Variants in INPP5F observed in about 807,000 individuals in gnomAD.
The protein encoded by INPP5F is inositol polyphosphate-5-phosphatase F.
INPP5F carries 97 observed loss-of-function variants against 137.2 expected under a neutral mutation model. The ratio of observed to expected loss-of-function variants is 0.71; its 90% CI spans 0.60 to 0.84. The LOEUF is 0.84. Among genes scored for constraint, INPP5F ranks in the 40% least tolerant of loss-of-function variants. INPP5F has a pLI of 0.00. For synonymous variants in INPP5F, 504 were observed against 476.9 expected, an observed-to-expected ratio of 1.06 and a Z score of -0.74; for missense variants, 1,271 against 1,371.9, an observed-to-expected ratio of 0.93 and a Z score of 1.16.
intron 16 of INPP5F, among the ~76,000 whole-genome samples, chr10:119,821,864 C>CTTTTTTTTTT (rs11347174): frequency 1.1e-5 from 1 of 88,152 alleles, no homozygotes; most frequent in African/African-American, 4.4e-5. Context: ...CTTGTAGTTG[C>CTTTTTTTTTT]TTTTTTTTTT....
chr10:119,792,251 A>C (rs767872203), intron 6 of INPP5F, 38 bp downstream of exon 6: 1 of 1,447,396 alleles, frequency 6.9e-7, no homozygotes, highest in East Asian at 2.3e-5. Context: ...ACCGTAATGA[A>C]ATTGGTCTGT....
intron 2 of INPP5F, among the ~76,000 whole-genome samples, chr10:119,771,996 C>A (rs112687421): frequency 0.014 from 1,986 of 145,376 alleles, 58 homozygotes; most frequent in African/African-American, 0.048. Context: ...CCCGGGTTCA[C>A]ACGCCATTCT....
At chr10:119,803,797 TCAG>T (rs902166935) in intron 9 of INPP5F, among the ~76,000 whole-genome samples, 4 of 152,236 alleles carry the variant, frequency 2.6e-5, no homozygotes, top group African/African-American at 7.2e-5. Flanking sequence ...TTTATGTACT[TCAG>T]CAGCATTTTA....
chr10:119,820,819 T>C (rs757578620), intron 15 of INPP5F, 27 bp from the exon 16 acceptor site: 4 of 1,553,392 alleles, frequency 2.6e-6, no homozygotes, highest in Non-Finnish European at 3.6e-6. Flanking sequence ...ATGAAAATAC[T>C]TAATCTCCTG....
intron 2 of INPP5F, among the ~76,000 whole-genome samples, chr10:119,752,956 T>C (rs906625718): frequency 1.3e-5 from 2 of 152,012 alleles, no homozygotes; most frequent in Non-Finnish European, 1.5e-5. Context: ...TTCTTTCTTT[T>C]TTTTTTGCTA....
intron 2 of INPP5F, among the ~76,000 whole-genome samples, chr10:119,772,172 A>G (rs1027945078): frequency 6.6e-6 from 1 of 151,872 alleles, no homozygotes; most frequent in Non-Finnish European, 1.5e-5. Context: ...TGCTGGGATT[A>G]CAGGTGTGAG....
At chr10:119,761,932 T>C (rs1412222935) in intron 2 of INPP5F, among the ~76,000 whole-genome samples, 2 of 152,232 alleles carry the variant, frequency 1.3e-5, no homozygotes, top group African/African-American at 4.8e-5. Flanking sequence ...CATAGTTCAG[T>C]TGTCCCTTGG....
At chr10:119,773,326 G>A (rs1849424698) in intron 2 of INPP5F, among the ~76,000 whole-genome samples, 1 of 152,060 alleles carries the variant, frequency 6.6e-6, no homozygotes, top group South Asian at 2.1e-4. Flanking sequence ...CAAAGTGCTG[G>A]GATTACAGAC....
At chr10:119,821,701 CCTCT>C (rs923963288) in intron 16 of INPP5F, among the ~76,000 whole-genome samples, 15 of 149,664 alleles carry the variant, frequency 1.0e-4, no homozygotes, top group South Asian at 6.4e-4. Context: ...CTTTCTCCCT[CCTCT>C]CTCTCTCTCC....
At chr10:119,774,880 A>G (rs2134167790) in intron 2 of INPP5F, among the ~76,000 whole-genome samples, 1 of 152,288 alleles carries the variant, frequency 6.6e-6, no homozygotes, top group South Asian at 2.1e-4. Flanking sequence ...TATTACATCT[A>G]GAGTCCACGC....
At chr10:119,816,403 A>C (rs571130703) in intron 15 of INPP5F, 2 of 152,230 alleles carry the variant, frequency 1.3e-5, no homozygotes, top group South Asian at 4.1e-4. Context: ...TTGCGTTTCC[A>C]TCTAGATTAC....
rs1469007964 is a variant in INPP5F at position 119,783,018 on chromosome 10, TATTA to T, written c.315+1252_315+1255del. On this transcript the variant is annotated intron_variant, in intron 3 of 19. Transcript: ENST00000650623. ...CAAAATGAATTTAAGTGGACTCTGA[TATTA>T]ATTATTTGTTACAGGAATCGAAAAA... is the stretch of plus-strand genomic sequence containing the variant. Among the ~76,000 whole-genome samples the T allele has an allele frequency of 7.2e-5, 11 of 152,222 alleles. No individual in the cohort carries two copies. The South Asian group carries it at 8.3e-4, about 11-fold the overall frequency.
At chr10:119,814,953 C>T (rs978443680) in intron 15 of INPP5F, among the ~76,000 whole-genome samples, 2 of 152,124 alleles carry the variant, frequency 1.3e-5, no homozygotes, top group African/African-American at 4.8e-5. Flanking sequence ...GCAAGTTCCG[C>T]CTCCTGGGTT....
chr10:119,752,089 A>G (rs1405765199), intron 2 of INPP5F, among the ~76,000 whole-genome samples: 1 of 152,210 alleles, frequency 6.6e-6, no homozygotes, highest in Non-Finnish European at 1.5e-5. Context: ...AATATTAAGC[A>G]TTTGGGAGCT....
At chr10:119,767,107 G>GAAAAAA (rs35875262) in intron 2 of INPP5F, among the ~76,000 whole-genome samples, 2,571 of 40,554 alleles carry the variant, frequency 0.063, 593 homozygotes, top group African/African-American at 0.15. Context: ...TCTGTCTCCA[G>GAAAAAA]AAAAAAAAAA....
In INPP5F at chr10:119,823,867, A is replaced by G; in HGVS notation, c.2214A>G (p.Gly738=). ...EMLQITKQAM[G]SDLPIIEKKL... ...TGCAGATCACCAAGCAAGCCATGGG[A>G]TCGGATTTACCCATAATTGAGAAGA... Residue 738 remains glycine, a synonymous_variant, in exon 19 of 20, where the codon GGA becomes GGG. Transcript: ENST00000650623. 1 of 1,613,998 alleles carries G rather than the reference A, an allele frequency of 6.2e-7. No homozygotes were observed. The highest frequency in any genetic ancestry group is 8.5e-7 in the Non-Finnish European group (1 of 1,179,942).
intron 16 of INPP5F, among the ~76,000 whole-genome samples, chr10:119,821,311 A>G (rs941933411): frequency 5.9e-5 from 9 of 151,444 alleles, no homozygotes; most frequent in African/African-American, 1.9e-4. Context: ...GTTACTACCA[A>G]TGATGCAGTT....
chr10:119,734,038 C>G lies in INPP5F; in HGVS notation c.97+7679C>G, dbSNP rs992587175. Among the ~76,000 whole-genome samples the G allele has an allele frequency of 4.6e-5, 7 of 152,176 alleles. No homozygotes were observed. The South Asian group carries it at 1.5e-3, about 32-fold the overall frequency. On this transcript the variant is annotated intron_variant, in intron 1 of 19. Transcript: ENST00000650623. ...AGAACAAAAGACTAGAACACACTGC[C>G]TCTCTTGCCACCTAAAAAAGTCATG...
chr10:119,730,520 A>G (rs1848026155), intron 1 of INPP5F, among the ~76,000 whole-genome samples: 1 of 152,248 alleles, frequency 6.6e-6, no homozygotes. Flanking sequence ...TTGAAGATTC[A>G]AAAAGAAATA....
Sources: gnomAD v4.1 joint callset for allele counts (sites outside exome capture counted in the v4.1 genomes callset) on GRCh38, gnomAD v4.1.1 for gene constraint, MANE v1.5 for transcripts, NCBI Gene and HGNC (gene_info 2026-07-23, HGNC 2026-07-21) for gene names.